Variants in DENND4C observed in about 807,000 individuals in gnomAD.
DENND4C encodes the protein DENN domain containing 4C, also known as DENN domain-containing protein 4C.
In DENND4C, 108 loss-of-function variants were observed where a neutral mutation model predicts 203.0. That is an observed-to-expected ratio of 0.53 (90% confidence interval 0.46 to 0.62). The LOEUF (loss-of-function observed/expected upper bound fraction) is 0.62. DENND4C is among the 20% of genes least tolerant of loss of function. The pLI, the probability that DENND4C is intolerant of heterozygous loss-of-function variation, is 0.00. For missense variants in DENND4C, 2,481 were observed against 2,301.2 expected (o/e 1.08, Z -1.60); for synonymous variants, 871 against 792.4 (o/e 1.10, Z -1.67).
chr9:19,362,103 GTC>G (rs1826621850), intron 30 of DENND4C, 140 bp downstream of exon 30: 1 of 523,936 alleles, frequency 1.9e-6, no homozygotes, highest in Non-Finnish European at 3.4e-6. Context: ...GTGAAATCCT[GTC>G]TCTATTAAAA....
chr9:19,348,734 A>G (rs116581871), intron 23 of DENND4C, among the ~76,000 whole-genome samples: 3,299 of 152,308 alleles, frequency 0.022, 126 homozygotes, highest in African/African-American at 0.073. Context: ...AGGTCAGTCA[A>G]GGGAAGGCGA....
chr9:19,258,394 A>C (rs992535431), intron 1 of DENND4C, among the ~76,000 whole-genome samples: 7 of 152,196 alleles, frequency 4.6e-5, no homozygotes, highest in Non-Finnish European at 1.0e-4. Context: ...CAAAGATATT[A>C]CAGGAAAACT....
At chr9:19,367,599 C>CA (rs2132309526) in intron 30 of DENND4C, among the ~76,000 whole-genome samples, 1 of 152,264 alleles carries the variant, frequency 6.6e-6, no homozygotes, top group African/African-American at 2.4e-5. Context: ...ATTAGCTGGG[C>CA]GTGGTGGCAC....
rs200992558 is a variant in DENND4C, at chr9:19,346,720, A to G, written c.3951A>G (p.Ala1317=). Residue 1317 remains alanine (A), a synonymous_variant, in exon 23 of 33, where the codon GCA becomes GCG. Transcript: ENST00000434457. The part of the protein sequence containing the change: ...EENRESGMTT[A]FIHALERRSS... Reference sequence around the variant, plus strand: ...ACAGAGAGTCTGGCATGACTACTGCATTTATTCATGCTCTAGAGAGGAGAT... The same window carrying G: ...ACAGAGAGTCTGGCATGACTACTGCGTTTATTCATGCTCTAGAGAGGAGAT... The G allele has an allele frequency of 4.3e-6, 7 of 1,614,170 alleles. No homozygotes were observed. In the East Asian group the frequency reaches 1.6e-4, roughly 36 times the overall value.
intron 1 of DENND4C, among the ~76,000 whole-genome samples, chr9:19,244,182 C>T (rs1824519534): frequency 6.6e-6 from 1 of 152,088 alleles, no homozygotes; most frequent in Non-Finnish European, 1.5e-5. Context: ...AGGTGCACAC[C>T]ATCACACCTG....
At chr9:19,301,977 G>C (rs930891801) in intron 9 of DENND4C, among the ~76,000 whole-genome samples, 6 of 152,074 alleles carry the variant, frequency 3.9e-5, no homozygotes, top group African/African-American at 1.4e-4. Flanking sequence ...TACTAAAACA[G>C]TGTTTATTGA....
Position 19,352,496 on chromosome 9 carries a change from ATGTCCAGT to A in DENND4C, c.4616_4623del (p.Ser1539PhefsTer4). Reference sequence around the variant, plus strand: ...TGCATTTTTCTGTTTTTAGGTTTTGATGTCCAGTTGTTCACAGTGTAGAGCTTGTGGAG... The same window carrying A: ...TGCATTTTTCTGTTTTTAGGTTTTGATGTTCACAGTGTAGAGCTTGTGGAG... On this transcript the variant is annotated frameshift_variant, in exon 26 of 33. Transcript: ENST00000434457. LOFTEE classifies it high-confidence loss of function. 1 of 1,571,410 alleles carries A rather than the reference ATGTCCAGT, an allele frequency of 6.4e-7. No individual in the cohort carries two copies. The highest frequency in any genetic ancestry group is 8.6e-7 in the Non-Finnish European group (1 of 1,158,492).
chr9:19,317,290 G>A (rs1397370105), intron 12 of DENND4C, among the ~76,000 whole-genome samples: 7 of 151,530 alleles, frequency 4.6e-5, no homozygotes, highest in African/African-American at 1.5e-4. Flanking sequence ...AAAATGCTGG[G>A]ATTACAGGTG....
At chr9:19,299,756 A>G (rs1838176256) in intron 8 of DENND4C, among the ~76,000 whole-genome samples, 1 of 152,144 alleles carries the variant, frequency 6.6e-6, no homozygotes, top group Admixed American at 6.5e-5. Flanking sequence ...TGTCCTTTTG[A>G]AAACGCAAAT....
chr9:19,330,931 C>G (rs1196785575), intron 16 of DENND4C, among the ~76,000 whole-genome samples: 1 of 151,560 alleles, frequency 6.6e-6, no homozygotes, highest in Non-Finnish European at 1.5e-5. Context: ...TGGTGGGTGC[C>G]TGTAATCCCA....
chr9:19,268,105 T>C (rs1306771935), intron 1 of DENND4C, among the ~76,000 whole-genome samples: 1 of 39,956 alleles, frequency 2.5e-5, no homozygotes, highest in Non-Finnish European at 7.5e-5. Flanking sequence ...TTTTGGGTAT[T>C]TTTTTTTTTT....
intron 1 of DENND4C, among the ~76,000 whole-genome samples, chr9:19,262,073 G>GTTTT (rs1564096927): frequency 1.4e-5 from 1 of 73,944 alleles, no homozygotes; most frequent in African/African-American, 4.5e-5. Context: ...GAATTTATTA[G>GTTTT]TTCTTTTTTT....
At chr9:19,317,462 AT>A (rs1350415170) in intron 12 of DENND4C, among the ~76,000 whole-genome samples, 1 of 152,036 alleles carries the variant, frequency 6.6e-6, no homozygotes, top group Non-Finnish European at 1.5e-5. Context: ...AATTATAGAG[AT>A]TTTTGTTGTT....
intron 26 of DENND4C, 26 bp downstream of exon 26, chr9:19,352,691 G>A (rs910663964): frequency 7.9e-6 from 12 of 1,525,916 alleles, no homozygotes; most frequent in Non-Finnish European, 1.1e-5. Flanking sequence ...GCTCTCTCAA[G>A]AAGTAAGTAC....
chr9:19,370,174 G>C (rs1828536998), intron 31 of DENND4C, 187 bp downstream of exon 31: 1 of 714,892 alleles, frequency 1.4e-6, no homozygotes, highest in Non-Finnish European at 2.2e-6. Flanking sequence ...AAAGTGTCTG[G>C]GGGCTTGGCA....
intron 1 of DENND4C, among the ~76,000 whole-genome samples, chr9:19,239,214 T>C (rs1011630171): frequency 3.9e-5 from 6 of 152,166 alleles, no homozygotes; most frequent in African/African-American, 1.2e-4. Flanking sequence ...AACTCTCTTA[T>C]TTTCTAATAC....
At chr9:19,233,574 T>TC (rs1821103827) in intron 1 of DENND4C, among the ~76,000 whole-genome samples, 1 of 150,710 alleles carries the variant, frequency 6.6e-6, no homozygotes, top group East Asian at 1.9e-4. Flanking sequence ...TTTTTTTTTT[T>TC]TTTTGAGATG....
chr9:19,249,797 A>T (rs1826119447), intron 1 of DENND4C, among the ~76,000 whole-genome samples: 1 of 152,128 alleles, frequency 6.6e-6, no homozygotes, highest in South Asian at 2.1e-4. Context: ...AGCTGGGATC[A>T]CAGGCATGTG....
intron 16 of DENND4C, among the ~76,000 whole-genome samples, chr9:19,331,290 A>C (rs1819094768): frequency 6.9e-6 from 1 of 145,220 alleles, no homozygotes; most frequent in African/African-American, 2.6e-5. Flanking sequence ...GCAACTTCCC[A>C]CTCCCTGGTT....
Sources: gnomAD v4.1 joint callset for allele counts (sites outside exome capture counted in the v4.1 genomes callset) on GRCh38, gnomAD v4.1.1 for gene constraint, MANE v1.5 for transcripts, NCBI Gene and HGNC (gene_info 2026-07-23, HGNC 2026-07-21) for gene names.